Variants in WDR45B observed in about 807,000 individuals in gnomAD.
WDR45B encodes WD repeat domain phosphoinositide-interacting protein 3.
WDR45B carries 20 observed loss-of-function variants against 44.6 expected under a neutral mutation model. That is an observed-to-expected ratio of 0.45 (90% CI 0.32 to 0.65). The LOEUF (loss-of-function observed/expected upper bound fraction) is 0.65, where lower values mean the gene tolerates loss of function less well. WDR45B is among the 30% of genes least tolerant of loss of function. WDR45B has a pLI of 0.05. For synonymous variants in WDR45B, 169 were observed against 164.9 expected, an observed-to-expected ratio of 1.02 and a Z score of -0.19; for missense variants, 323 against 430.2, an observed-to-expected ratio of 0.75 and a Z score of 2.20.
intron 5 of WDR45B, among the ~76,000 whole-genome samples, chr17:82,623,190 G>C (rs67700393): frequency 0.3 from 44,842 of 151,042 alleles, 6,944 homozygotes; most frequent in Admixed American, 0.34. Context: ...TCAGGAGTTT[G>C]AGACCAGCCA....
At position 82,648,356 on chromosome 17, in the gene WDR45B, G is replaced by A. The variant is rs752551128; in HGVS notation, c.-16C>T. ...GGAGGTTCATGGCGCCGCCGTGCTGGGTCGCCGCTCCTCAGCGCTGCATGC... is the reference window on the plus strand; with the variant it reads ...GGAGGTTCATGGCGCCGCCGTGCTGAGTCGCCGCTCCTCAGCGCTGCATGC... On this transcript the variant is annotated 5_prime_UTR_variant, in exon 1 of 10. Transcript: ENST00000392325. The A allele has an allele frequency of 8.1e-6, 13 of 1,604,214 alleles. No homozygotes were observed. In the East Asian group the frequency reaches 2.3e-4, roughly 28 times the overall value.
At chr17:82,632,630 C>G (rs1311887417) in intron 2 of WDR45B, among the ~76,000 whole-genome samples, 2 of 152,144 alleles carry the variant, frequency 1.3e-5, no homozygotes. Context: ...GGAGGACCAT[C>G]CACCCACCCA....
In WDR45B at chr17:82,615,698, G is replaced by A; in HGVS notation, c.*221C>T. 1.7e-6 allele frequency: 1 copy of A among 575,042 alleles called. No individual in the cohort carries two copies. Among genetic ancestry groups the A allele is most frequent in the Non-Finnish European group, 3.1e-6 (1 of 320,016 alleles). The allele number at this position is 575,042 out of a possible 1,614,324, so 35.6% of individuals were successfully genotyped here. A position where few individuals can be genotyped will look rare whatever the true frequency, so the allele number is the denominator to read the frequency against. On this transcript the variant is annotated 3_prime_UTR_variant, in exon 10 of 10. Transcript: ENST00000392325. Reference sequence around the variant, plus strand: ...ACAGCCAGTGGCCGCCAGTCGAGCTGGTCACAGCCACTGAGTTACCTACGG... The same window carrying A: ...ACAGCCAGTGGCCGCCAGTCGAGCTAGTCACAGCCACTGAGTTACCTACGG...
At position 82,648,411 on chromosome 17, in the gene WDR45B, T is replaced by TGGGGA; in HGVS notation, c.-72_-71insTCCCC. 6.4e-7 allele frequency: 1 copy of TGGGGA among 1,557,826 alleles called. No individual in the cohort carries two copies. Among genetic ancestry groups the TGGGGA allele is most frequent in the Non-Finnish European group, 8.7e-7 (1 of 1,151,668 alleles). ...CGCTGGGGACGGCGGCCTGGTCCCT[T>TGGGGA]CGGGCCGGCGCTGAGGCCGCCGCGG... On this transcript the variant is annotated 5_prime_UTR_variant, in exon 1 of 10. Coordinates refer to ENST00000392325, the MANE Select transcript of WDR45B (RefSeq NM_019613.4).
At chr17:82,640,969 G>GTTTTTTTTTT (rs398031785) in intron 2 of WDR45B, among the ~76,000 whole-genome samples, 6 of 131,848 alleles carry the variant, frequency 4.6e-5, no homozygotes, top group Admixed American at 8.1e-5. Context: ...TCTTGTCTGG[G>GTTTTTTTTTT]TTTTTTTTTT....
intron 5 of WDR45B, among the ~76,000 whole-genome samples, chr17:82,623,966 G>A (rs780920407): frequency 1.3e-5 from 2 of 152,070 alleles, no homozygotes; most frequent in Non-Finnish European, 2.9e-5. Context: ...TGGATGAGAC[G>A]CAAGGGGACA....
At position 82,615,692 on chromosome 17, in the gene WDR45B, C is replaced by T. The variant is rs923889280; in HGVS notation, c.*227G>A. The T allele has an allele frequency of 1.6e-5, 9 of 563,470 alleles. No homozygotes were observed. The highest frequency in any genetic ancestry group is 9.4e-5 in the African/African-American group (5 of 52,940). The allele number at this position is 563,470 out of a possible 1,614,324, so 34.9% of individuals were successfully genotyped here. ...ATGGGAACAGCCAGTGGCCGCCAGT[C>T]GAGCTGGTCACAGCCACTGAGTTAC... On this transcript the variant is annotated 3_prime_UTR_variant, in exon 10 of 10. Transcript: ENST00000392325.
intron 1 of WDR45B, among the ~76,000 whole-genome samples, chr17:82,644,935 C>T (rs1044764712): frequency 2.0e-5 from 3 of 152,080 alleles, no homozygotes; most frequent in South Asian, 2.1e-4. Flanking sequence ...CCGAGGTGGG[C>T]GGATCACCTG....
chr17:82,643,950 T>C lies in WDR45B; in HGVS notation c.141A>G (p.Gln47=), dbSNP rs1166729614. ...AGAAAATGTCCCGTTAATTCTTACC[T>C]TGTTTCTCTTTTTCTTTTAGTGGAT... The part of the protein sequence containing the change: ...NTDPLKEKEK[Q]EFLEGGVGHV... The change falls in exon 2 of 10, where the codon CAA becomes CAG. Residue 47 remains glutamine, a splice_region_variant and synonymous_variant. Coordinates refer to ENST00000392325, the MANE Select transcript of WDR45B (RefSeq NM_019613.4). 5.6e-6 allele frequency: 9 copies of C among 1,613,790 alleles called. No homozygotes were observed. Among genetic ancestry groups the C allele is most frequent in the Non-Finnish European group, 7.6e-6 (9 of 1,179,868 alleles).
chr17:82,639,349 A>G (rs1263360791), intron 2 of WDR45B, among the ~76,000 whole-genome samples: 1 of 152,010 alleles, frequency 6.6e-6, no homozygotes, highest in Non-Finnish European at 1.5e-5. Flanking sequence ...CACTCTTGGA[A>G]ACAGCGTTGC....
chr17:82,636,912 T>C (rs1023616242), intron 2 of WDR45B, among the ~76,000 whole-genome samples: 1 of 151,992 alleles, frequency 6.6e-6, no homozygotes, highest in African/African-American at 2.4e-5. Context: ...GAAAAATATG[T>C]ACAAGTAGCC....
intron 3 of WDR45B, 96 bp from the exon 4 acceptor site, chr17:82,627,387 C>T (rs1183231614): frequency 9.7e-7 from 1 of 1,025,642 alleles, no homozygotes; most frequent in Non-Finnish European, 1.5e-6. Context: ...GTTTTCTCTT[C>T]CCACTGGCAC....
At chr17:82,643,578 T>TA (rs1441098367) in intron 2 of WDR45B, among the ~76,000 whole-genome samples, 1 of 151,986 alleles carries the variant, frequency 6.6e-6, no homozygotes, top group Non-Finnish European at 1.5e-5. Context: ...ACTTACAAAA[T>TA]AAACTCCCAG....
In WDR45B at chr17:82,627,158, G is replaced by A. The variant is rs984001925; in HGVS notation, c.332+46C>T. 11 of 1,435,118 alleles carry A rather than the reference G, an allele frequency of 7.7e-6. No homozygotes were observed. In the African/African-American group the frequency reaches 1.4e-4, roughly 18 times the overall value. 88.9% of individuals were successfully genotyped at this position (1,435,118 alleles called of 1,614,324 possible). ...TAGAAAAGTATTTCAGCCATCTTTT[G>A]AGAAAGTGAAATACCACTTTAAAAA... On this transcript the variant is annotated intron_variant, in intron 4 of 9. Transcript: ENST00000392325.
At chr17:82,648,217 GACC>G (rs1022384397) in intron 1 of WDR45B, 54 bp downstream of exon 1, 2 of 1,560,278 alleles carry the variant, frequency 1.3e-6, no homozygotes, top group African/African-American at 2.8e-5. Flanking sequence ...GAGAGCCGGG[GACC>G]CCGGGCTGCG....
intron 1 of WDR45B, among the ~76,000 whole-genome samples, chr17:82,646,516 A>C (rs1252318208): frequency 2.9e-4 from 43 of 146,372 alleles, no homozygotes; most frequent in Non-Finnish European, 9.1e-5. Context: ...AAAAAAACCC[A>C]AAACAAAAAA....
At chr17:82,617,630 G>C in intron 7 of WDR45B, 1 of 555,706 alleles carries the variant, frequency 1.8e-6, no homozygotes, top group South Asian at 1.8e-5. Flanking sequence ...TTCCTTGGGT[G>C]CCCCACAAAT....
intron 2 of WDR45B, among the ~76,000 whole-genome samples, chr17:82,642,140 TC>T (rs1315958188): frequency 2.6e-5 from 4 of 152,014 alleles, no homozygotes; most frequent in African/African-American, 9.7e-5. Flanking sequence ...TTGGCAATTA[TC>T]CTTTACAATG....
At chr17:82,642,565 C>T (rs2045931242) in intron 2 of WDR45B, among the ~76,000 whole-genome samples, 1 of 152,164 alleles carries the variant, frequency 6.6e-6, no homozygotes, top group Non-Finnish European at 1.5e-5. Flanking sequence ...CAACTTGAAG[C>T]CAGTCAGTCT....
Sources: allele counts gnomAD v4.1 joint callset (sites outside exome capture counted in the v4.1 genomes callset), GRCh38; gene constraint gnomAD v4.1.1; transcripts MANE v1.5; gene names NCBI Gene and HGNC (gene_info 2026-07-23, HGNC 2026-07-21).